The following REL variants were observed in gnomAD, a reference collection of about 807,000 sequenced individuals.
REL encodes the protein proto-oncogene c-Rel.
REL carries 15 observed loss-of-function variants against 45.9 expected under a neutral mutation model. The ratio of observed to expected loss-of-function variants is 0.33; its 90% confidence interval spans 0.22 to 0.50. The LOEUF (loss-of-function observed/expected upper bound fraction) is 0.50. Among genes scored for constraint, REL ranks in the 20% least tolerant of loss-of-function variants. The pLI is 0.98. For missense variants in REL, 601 were observed against 715.2 expected, an observed-to-expected ratio of 0.84 and a Z score of 1.82; for synonymous variants, 239 against 242.1, an observed-to-expected ratio of 0.99 and a Z score of 0.12.
At chr2:60,885,446 T>A (rs181735853) in intron 1 of REL, among the ~76,000 whole-genome samples, 111 of 152,320 alleles carry the variant, frequency 7.3e-4, no homozygotes, top group Middle Eastern at 3.4e-3. Context: ...ACTTACCTTT[T>A]TTCCCCCTTG....
chr2:60,920,322 T>A, intron 8 of REL: 1 of 616,256 alleles, frequency 1.6e-6, no homozygotes, highest in Non-Finnish European at 2.9e-6. Context: ...TGCCTCAGCC[T>A]CCCGGGTAGC....
At chr2:60,918,365 T>G (rs1286951862) in intron 6 of REL, 29 bp from the exon 7 acceptor site, 1 of 1,315,620 alleles carries the variant, frequency 7.6e-7, no homozygotes, top group Non-Finnish European at 1.0e-6. Context: ...GTTTTCCCAT[T>G]TTTTTTTTTT....
chr2:60,904,885 G>A (rs563476997), intron 4 of REL, among the ~76,000 whole-genome samples: 2 of 152,062 alleles, frequency 1.3e-5, no homozygotes, highest in African/African-American at 4.8e-5. Flanking sequence ...ACAAGACCCC[G>A]TCTCTAAGTA....
chr2:60,922,191 A>G lies in REL; in HGVS notation c.1420A>G (p.Met474Val). ...VNMMTTSSDS[M>V]GETDNPRLLS... The stretch of plus-strand genomic sequence containing the variant: ...TATGATGACAACCAGCAGTGACAGC[A>G]TGGGAGAGACTGATAATCCAAGACT... Residue 474 changes from methionine (M) to valine (V), a missense_variant, in exon 10 of 10, where the codon ATG (methionine) becomes GTG (valine). Physicochemically the swap from Met to Val is conservative, Grantham distance 21. Transcript: ENST00000394479. 2 of 1,614,192 alleles carry G rather than the reference A, an allele frequency of 1.2e-6. No individual in the cohort carries two copies. The highest frequency in any genetic ancestry group is 1.3e-5 in the African/African-American group (1 of 75,048).
Position 60,930,085 on chromosome 2 carries a change from G to C in REL, c.*7550G>C, listed in dbSNP as rs1674353619. 3 of 152,098 alleles carry C rather than the reference G, an allele frequency of 2.0e-5. No homozygotes were observed. The highest frequency in any genetic ancestry group is 7.2e-5 in the African/African-American group (3 of 41,412). 9.4% of individuals were successfully genotyped at this position (152,098 alleles called of 1,614,324 possible). ...TTAATTTATTGAAGGATCACCACATGCTTTTAAATAGCATGGAGAAATGGA... is the reference window on the plus strand; with the variant it reads ...TTAATTTATTGAAGGATCACCACATCCTTTTAAATAGCATGGAGAAATGGA... On this transcript the variant is annotated 3_prime_UTR_variant, in exon 10 of 10. Transcript: ENST00000394479.
chr2:60,920,478 G>A (rs1674110099), intron 8 of REL, 96 bp from the exon 9 acceptor site: 1 of 916,038 alleles, frequency 1.1e-6, no homozygotes, highest in South Asian at 1.4e-5. Flanking sequence ...TGGGATTACA[G>A]GTGGGAGCCA....
intron 1 of REL, among the ~76,000 whole-genome samples, chr2:60,890,013 G>A (rs1432388934): frequency 1.3e-5 from 2 of 152,170 alleles, no homozygotes; most frequent in Non-Finnish European, 2.9e-5. Flanking sequence ...AGATCCCTGA[G>A]GAATCGCCAC....
chr2:60,901,169 T>G, intron 4 of REL, 86 bp downstream of exon 4: 1 of 1,360,454 alleles, frequency 7.4e-7, no homozygotes, highest in Non-Finnish European at 9.5e-7. Context: ...TTTTTTTTTT[T>G]TTTTGAGACG....
chr2:60,892,997 A>C (rs842645), intron 2 of REL, among the ~76,000 whole-genome samples: 116,974 of 152,162 alleles, frequency 0.77, 46,151 homozygotes, highest in African/African-American at 0.94. Context: ...TCGTGATCCG[A>C]CTGCCTTGGT....
chr2:60,919,898 A>T, intron 7 of REL, 143 bp from the exon 8 acceptor site: 1 of 555,198 alleles, frequency 1.8e-6, no homozygotes. Flanking sequence ...GATTTGGGAC[A>T]TATTCTATAA....
At chr2:60,891,983 C>A (rs920432405) in intron 2 of REL, among the ~76,000 whole-genome samples, 158 bp downstream of exon 2, 8 of 151,558 alleles carry the variant, frequency 5.3e-5, no homozygotes, top group Non-Finnish European at 1.0e-4. Flanking sequence ...AAAAAGACAT[C>A]TATTAGATAG....
At chr2:60,892,423 A>AATTTATTT (rs1673236897) in intron 2 of REL, among the ~76,000 whole-genome samples, 1 of 152,116 alleles carries the variant, frequency 6.6e-6, no homozygotes, top group Non-Finnish European at 1.5e-5. Flanking sequence ...AGATGTACTA[A>AATTTATTT]ATTTATTTAT....
At position 60,925,623 on chromosome 2, in the gene REL, A is replaced by G. The variant is rs1445132725; in HGVS notation, c.*3088A>G. 1 of 187,114 alleles carries G rather than the reference A, an allele frequency of 5.3e-6. No individual in the cohort carries two copies. Among genetic ancestry groups the G allele is most frequent in the African/African-American group, 2.3e-5 (1 of 42,714 alleles). The allele number at this position is 187,114 out of a possible 1,614,324, so 11.6% of individuals were successfully genotyped here. On this transcript the variant is annotated 3_prime_UTR_variant, in exon 10 of 10. Transcript: ENST00000394479. ...TTACCAGGGAGAAAGAAAAACCTGA[A>G]GGCACAATTTCTTTTCTGTTCAAAA...
rs1211551188 is a variant in REL at position 60,930,149 on chromosome 2, C to G, written c.*7614C>G. ...TTTTACTCAGGTAATACCCAGCCTGCTACCTAACAGGTTGTGTTGTACTAA... is the reference window on the plus strand; with the variant it reads ...TTTTACTCAGGTAATACCCAGCCTGGTACCTAACAGGTTGTGTTGTACTAA... On this transcript the variant is annotated 3_prime_UTR_variant, in exon 10 of 10. Transcript: ENST00000394479. 2.0e-5 allele frequency: 3 copies of G among 152,254 alleles called. No individual in the cohort carries two copies. The highest frequency in any genetic ancestry group is 4.4e-5 in the Non-Finnish European group (3 of 68,034). 9.4% of individuals were successfully genotyped at this position (152,254 alleles called of 1,614,324 possible). A position where few individuals can be genotyped will look rare whatever the true frequency, so the allele number is the denominator to read the frequency against.
chr2:60,899,805 T>C (rs1038078911), intron 3 of REL: 1 of 152,380 alleles, frequency 6.6e-6, no homozygotes, highest in Non-Finnish European at 1.5e-5. Flanking sequence ...GCTACACATA[T>C]GCAAATTAGT....
At chr2:60,894,887 A>G (rs937578930) in intron 3 of REL, among the ~76,000 whole-genome samples, 1 of 54,528 alleles carries the variant, frequency 1.8e-5, no homozygotes. Flanking sequence ...ATGGAGTTTT[A>G]CCCTTGTTGC....
chr2:60,913,984 A>C (rs1331830224), intron 4 of REL, among the ~76,000 whole-genome samples: 1 of 152,252 alleles, frequency 6.6e-6, no homozygotes, highest in Non-Finnish European at 1.5e-5. Flanking sequence ...GTTAATTGAG[A>C]AAATGTATAA....
Position 60,918,568 on chromosome 2 carries a change from G to A in REL, c.815G>A (p.Ser272Asn). 6.2e-7 allele frequency: 1 copy of A among 1,613,992 alleles called. No homozygotes were observed. Among genetic ancestry groups the A allele is most frequent in the Non-Finnish European group, 8.5e-7 (1 of 1,179,892 alleles). The change falls in exon 7 of 10, where the codon AGT becomes AAT. Residue 272 changes from serine (S) to asparagine (N), a missense_variant. Around this residue, in one of 4 missense-constraint regions of REL, gnomAD observed 241 missense variants for 347.0 expected, o/e 0.69. Transcript: ENST00000394479. Reference sequence around the variant, plus strand: ...CGGAGACCTTCTGACCAGGAAGTTAGTGAATCTATGGATTTTAGATATCTG... The same window carrying A: ...CGGAGACCTTCTGACCAGGAAGTTAATGAATCTATGGATTTTAGATATCTG... ...QLRRPSDQEVSESMDFRYLPD... is the reference protein window; with the variant it reads ...QLRRPSDQEVNESMDFRYLPD...
intron 1 of REL, among the ~76,000 whole-genome samples, chr2:60,888,419 A>G (rs1446630816): frequency 2.0e-5 from 3 of 152,344 alleles, no homozygotes; most frequent in African/African-American, 7.2e-5. Context: ...AATGTGACTT[A>G]AAAAGTAATG....
Sources: allele counts gnomAD v4.1 joint callset (sites outside exome capture counted in the v4.1 genomes callset), GRCh38; gene constraint gnomAD v4.1.1; regional missense constraint gnomAD v4.1.1; transcripts MANE v1.5; gene names NCBI Gene and HGNC (gene_info 2026-07-23, HGNC 2026-07-21).